The following MGMT variants were observed in gnomAD, a reference collection of about 807,000 sequenced individuals.
MGMT encodes O-6-methylguanine-DNA methyltransferase.
MGMT carries 14 observed loss-of-function variants against 15.9 expected under a neutral mutation model. That is an observed-to-expected ratio of 0.88 (90% confidence interval 0.58 to 1.37). MGMT has a LOEUF of 1.37. MGMT is among the 40% of genes most tolerant of loss of function. The pLI is 0.00. For missense variants in MGMT, 282 were observed against 268.1 expected, an observed-to-expected ratio of 1.05 and a Z score of -0.36; for synonymous variants, 130 against 118.2, an observed-to-expected ratio of 1.10 and a Z score of -0.65.
chr10:129,588,931 CAG>C (rs1204612474), intron 2 of MGMT, among the ~76,000 whole-genome samples: 13 of 152,254 alleles, frequency 8.5e-5, no homozygotes, highest in Admixed American at 1.3e-4. Context: ...AGATTCCCCT[CAG>C]GGGGAGGGAA....
intron 2 of MGMT, among the ~76,000 whole-genome samples, chr10:129,586,623 C>T (rs187734572): frequency 6.6e-6 from 1 of 152,258 alleles, no homozygotes. Flanking sequence ...CACAGTTTAT[C>T]ATTCGTTTGT....
chr10:129,621,261 C>A (rs1847087329), intron 2 of MGMT, among the ~76,000 whole-genome samples: 1 of 152,202 alleles, frequency 6.6e-6, no homozygotes, highest in African/African-American at 2.4e-5. Context: ...ACATGCAATG[C>A]AAGACCTTCA....
chr10:129,517,402 C>T (rs1001647269), intron 1 of MGMT, among the ~76,000 whole-genome samples: 1 of 152,228 alleles, frequency 6.6e-6, no homozygotes, highest in Non-Finnish European at 1.5e-5. Flanking sequence ...GTTCTGTGGC[C>T]TCCCTGCACT....
chr10:129,749,746 A>G (rs1848732773), intron 3 of MGMT, among the ~76,000 whole-genome samples: 1 of 152,202 alleles, frequency 6.6e-6, no homozygotes, highest in African/African-American at 2.4e-5. Context: ...GCAATGATTA[A>G]GCATCCTTTT....
At chr10:129,715,010 C>T (rs1477341698) in intron 3 of MGMT, among the ~76,000 whole-genome samples, 14 of 152,068 alleles carry the variant, frequency 9.2e-5, no homozygotes, top group South Asian at 2.1e-4. Flanking sequence ...CCTGAGGTTC[C>T]GTGAGTCGGG....
rs575142000 is a variant in MGMT, at chr10:129,696,859, C to T, written c.126-11036C>T. Among the ~76,000 whole-genome samples the T allele has an allele frequency of 2.1e-4, 32 of 152,344 alleles. 2 individuals are homozygous for T. The South Asian group carries it at 6.0e-3, about 29-fold the overall frequency. ...CCAGTCCACACCTCACCTGTGCATT[C>T]GTCAAGCCATTGAGTGCAGTGTTGT... On this transcript the variant is annotated intron_variant, in intron 2 of 4. Coordinates refer to ENST00000651593, the MANE Select transcript of MGMT (RefSeq NM_002412.5).
intron 3 of MGMT, among the ~76,000 whole-genome samples, chr10:129,711,737 G>A (rs555808414): frequency 1.3e-5 from 2 of 152,040 alleles, no homozygotes; most frequent in Non-Finnish European, 1.5e-5. Flanking sequence ...GCATCTTGTC[G>A]TACAACGTAG....
chr10:129,612,006 G>T (rs927557072), intron 2 of MGMT, among the ~76,000 whole-genome samples: 1 of 152,186 alleles, frequency 6.6e-6, no homozygotes, highest in Non-Finnish European at 1.5e-5. Flanking sequence ...GGTGGTCGGG[G>T]TGCAGCTTGG....
At chr10:129,660,921 C>A (rs1375224797) in intron 2 of MGMT, among the ~76,000 whole-genome samples, 2 of 152,092 alleles carry the variant, frequency 1.3e-5, no homozygotes, top group Admixed American at 6.5e-5. Context: ...TTTAAAGTAA[C>A]ACAAATTTAT....
intron 3 of MGMT, chr10:129,717,688 A>C (rs867084699): frequency 6.6e-6 from 1 of 152,136 alleles, no homozygotes. Context: ...TCTTAGACCC[A>C]CACATGGCTG....
chr10:129,638,429 C>CAA, intron 2 of MGMT, among the ~76,000 whole-genome samples: 132 of 61,722 alleles, frequency 2.1e-3, no homozygotes, highest in South Asian at 3.9e-3. Context: ...ACCAAAGAGG[C>CAA]AAAAAAAAAA....
chr10:129,722,256 T>C (rs186739019), intron 3 of MGMT, among the ~76,000 whole-genome samples: 1 of 152,252 alleles, frequency 6.6e-6, no homozygotes, highest in East Asian at 1.9e-4. Flanking sequence ...ATAATGTAAT[T>C]AAAAAGTAAA....
intron 2 of MGMT, among the ~76,000 whole-genome samples, chr10:129,642,388 T>A (rs1484962165): frequency 6.6e-6 from 1 of 152,192 alleles, no homozygotes; most frequent in Non-Finnish European, 1.5e-5. Context: ...TTCCCAGGAA[T>A]CTTTATAACC....
chr10:129,548,905 A>C (rs1408020304), intron 2 of MGMT, among the ~76,000 whole-genome samples: 1 of 152,182 alleles, frequency 6.6e-6, no homozygotes, highest in African/African-American at 2.4e-5. Flanking sequence ...AGGCGTGAAG[A>C]TGGGCTGGAG....
intron 2 of MGMT, among the ~76,000 whole-genome samples, chr10:129,655,200 A>G (rs1210565617): frequency 6.6e-6 from 1 of 152,128 alleles, no homozygotes; most frequent in East Asian, 1.9e-4. Context: ...GGCCCCGCGG[A>G]GGGCCTGGGC....
chr10:129,654,832 G>A (rs1847505915), intron 2 of MGMT, among the ~76,000 whole-genome samples: 1 of 152,150 alleles, frequency 6.6e-6, no homozygotes, highest in Non-Finnish European at 1.5e-5. Flanking sequence ...GGCTGTATGG[G>A]CATTTGGAAT....
chr10:129,672,188 G>T (rs927197470), intron 2 of MGMT, among the ~76,000 whole-genome samples: 1 of 152,150 alleles, frequency 6.6e-6, no homozygotes, highest in African/African-American at 2.4e-5. Context: ...TGTTATAGGG[G>T]TCTAGGTTTC....
chr10:129,562,368 C>T (rs1438565609), intron 2 of MGMT, among the ~76,000 whole-genome samples: 1 of 152,198 alleles, frequency 6.6e-6, no homozygotes, highest in Non-Finnish European at 1.5e-5. Flanking sequence ...CAGTGACCCA[C>T]CTGATTACAG....
intron 2 of MGMT, among the ~76,000 whole-genome samples, chr10:129,567,882 G>A (rs532103912): frequency 5.9e-5 from 9 of 152,242 alleles, no homozygotes; most frequent in Non-Finnish European, 1.0e-4. Flanking sequence ...GGTTTTTGCC[G>A]CAACAAACAT....
Sources: allele counts gnomAD v4.1 joint callset (sites outside exome capture counted in the v4.1 genomes callset), GRCh38; gene constraint gnomAD v4.1.1; transcripts MANE v1.5; gene names NCBI Gene and HGNC (gene_info 2026-07-23, HGNC 2026-07-21).